SPOP: variants seen among roughly 807,000 people sequenced by gnomAD.
SPOP encodes the protein speckle-type POZ protein.
SPOP carries 11 observed loss-of-function variants against 45.6 expected under a neutral mutation model. That is an observed-to-expected ratio of 0.24 (90% confidence interval 0.15 to 0.40). The LOEUF is 0.40. SPOP is among the 10% of genes least tolerant of loss of function. SPOP has a pLI of 1.00. For missense variants in SPOP, 152 were observed against 465.6 expected (o/e 0.33, Z 6.20); for synonymous variants, 166 against 166.3 (o/e 1.00, Z 0.01).
At chr17:49,612,868 A>G (rs928137507) in intron 5 of SPOP, 1 of 152,204 alleles carries the variant, frequency 6.6e-6, no homozygotes, top group Non-Finnish European at 1.5e-5. Context: ...GATTTCTTTT[A>G]ACCTTCAAGA....
chr17:49,631,524 C>G (rs892351134), intron 1 of SPOP, among the ~76,000 whole-genome samples: 1 of 152,124 alleles, frequency 6.6e-6, no homozygotes, highest in African/African-American at 2.4e-5. Flanking sequence ...GAATTAGCAG[C>G]CTTTACAATT....
intron 1 of SPOP, among the ~76,000 whole-genome samples, chr17:49,667,406 A>G (rs901285342): frequency 4.0e-5 from 6 of 151,616 alleles, no homozygotes; most frequent in Non-Finnish European, 7.4e-5. Flanking sequence ...CCCGGTCAAC[A>G]TGGCGAAACC....
rs899103846 is a variant in SPOP, at chr17:49,677,992, G to C, written c.-126C>G. ...CCCCTGCGCTTGCCTCATACTGTCC[G>C]CAACATCCGGGACCTGCGGGACCGC... On this transcript the variant is annotated 5_prime_UTR_variant, in exon 1 of 10. Coordinates refer to ENST00000504102, the MANE Select transcript of SPOP (RefSeq NM_001007228.2). 3.0e-5 allele frequency: 12 copies of C among 397,574 alleles called. No individual in the cohort carries two copies. Among genetic ancestry groups the C allele is most frequent in the African/African-American group, 2.1e-4 (10 of 48,088 alleles). The allele number at this position is 397,574 out of a possible 1,614,324, so 24.6% of individuals were successfully genotyped here.
chr17:49,607,376 T>C lies in SPOP; in HGVS notation c.715-4A>G, dbSNP rs1437043264. The C allele has an allele frequency of 6.2e-7, 1 of 1,611,396 alleles. No individual in the cohort carries two copies. Among genetic ancestry groups the C allele is most frequent in the Admixed American group, 1.7e-5 (1 of 59,640 alleles). On this transcript the variant is annotated splice_polypyrimidine_tract_variant and splice_region_variant and intron_variant, in intron 7 of 9. Coordinates refer to ENST00000504102, the MANE Select transcript of SPOP (RefSeq NM_001007228.2). ...CATCATTGATTTCAACTCGATTCTA[T>C]GCCAGAAAAACTGAATATGAGAAAC... is the stretch of plus-strand genomic sequence containing the variant.
Position 49,622,751 on chromosome 17 carries a change from C to T in SPOP, c.60G>A (p.Glu20=), listed in dbSNP as rs1174659692. 1.2e-6 allele frequency: 2 copies of T among 1,614,046 alleles called. No homozygotes were observed. Among genetic ancestry groups the T allele is most frequent in the African/African-American group, 1.3e-5 (1 of 74,914 alleles). Residue 20 remains glutamate (E), a synonymous_variant, in exon 2 of 10, where the codon GAG becomes GAA. Transcript: ENST00000504102. ...AACTTACCTGTGTGTAGCACCAACT[C>T]TCAGCTACGGGGCCACTCGACATTT... ...PAEMSSGPVA[E]SWCYTQIKVV...
chr17:49,644,790 A>C (rs1471657389), intron 1 of SPOP, among the ~76,000 whole-genome samples: 1 of 152,206 alleles, frequency 6.6e-6, no homozygotes, highest in East Asian at 1.9e-4. Context: ...TTGTCTAAAA[A>C]TTAAACACGT....
chr17:49,634,470 A>G (rs1314331426), intron 1 of SPOP, among the ~76,000 whole-genome samples: 1 of 152,226 alleles, frequency 6.6e-6, no homozygotes, highest in Non-Finnish European at 1.5e-5. Flanking sequence ...TACATAAGTT[A>G]ATATTCTCAC....
intron 5 of SPOP, among the ~76,000 whole-genome samples, chr17:49,614,959 A>C (rs959322400): frequency 6.6e-6 from 1 of 151,836 alleles, no homozygotes; most frequent in Admixed American, 6.6e-5. Flanking sequence ...CCTGGGCTTA[A>C]GCAATCCTCC....
At chr17:49,642,197 T>C (rs754467651) in intron 1 of SPOP, among the ~76,000 whole-genome samples, 5 of 152,146 alleles carry the variant, frequency 3.3e-5, no homozygotes, top group Non-Finnish European at 5.9e-5. Flanking sequence ...TATTTAAGTT[T>C]GTAAAAAGTG....
At chr17:49,652,899 T>C (rs759021312) in intron 1 of SPOP, among the ~76,000 whole-genome samples, 1 of 152,202 alleles carries the variant, frequency 6.6e-6, no homozygotes, top group African/African-American at 2.4e-5. Context: ...CCAGAGGTAG[T>C]TGCTTTAAGA....
At chr17:49,644,681 T>TGTTGGTACA (rs2072721119) in intron 1 of SPOP, among the ~76,000 whole-genome samples, 1 of 152,188 alleles carries the variant, frequency 6.6e-6, no homozygotes, top group African/African-American at 2.4e-5. Context: ...TGTACAGATT[T>TGTTGGTACA]TGGAAAAAAA....
At chr17:49,675,924 G>C in intron 1 of SPOP, 1 of 152,356 alleles carries the variant, frequency 6.6e-6, no homozygotes, top group Non-Finnish European at 1.5e-5. Context: ...GGAGGCTGAG[G>C]CAGAAGAATC....
At chr17:49,618,873 T>C in intron 5 of SPOP, 108 bp downstream of exon 5, 1 of 1,336,028 alleles carries the variant, frequency 7.5e-7, no homozygotes, top group Non-Finnish European at 1.0e-6. Context: ...GCAGCACTAC[T>C]CCACTTGGGG....
intron 1 of SPOP, among the ~76,000 whole-genome samples, chr17:49,665,386 G>GGGC (rs1403173174): frequency 6.6e-6 from 1 of 151,940 alleles, no homozygotes; most frequent in Non-Finnish European, 1.5e-5. Flanking sequence ...AGGCCAAGGC[G>GGGC]GGCGGATCAT....
chr17:49,630,613 A>AT (rs1331980591), intron 1 of SPOP, among the ~76,000 whole-genome samples: 1 of 95,664 alleles, frequency 1.0e-5, no homozygotes, highest in Non-Finnish European at 2.2e-5. Context: ...TTTTCTTTAA[A>AT]TTTTTTTTAA....
At position 49,607,369 on chromosome 17, in the gene SPOP, G is replaced by A. The variant is rs2143157500; in HGVS notation, c.718C>T (p.Arg240Ter). 2 of 1,611,982 alleles carry A rather than the reference G, an allele frequency of 1.2e-6. No homozygotes were observed. Among genetic ancestry groups the A allele is most frequent in the Non-Finnish European group, 1.7e-6 (2 of 1,178,954 alleles). ...GGCTCCACATCATTGATTTCAACTC[G>A]ATTCTATGCCAGAAAAACTGAATAT... ...EHEMEESKKN[R>*]VEINDVEPEV... Residue 240 changes from arginine (R) to a stop codon, truncating the protein, a stop_gained, in exon 8 of 10, where the codon CGA (arginine) becomes TGA (stop). Coordinates refer to ENST00000504102, the MANE Select transcript of SPOP (RefSeq NM_001007228.2). LOFTEE classifies it high-confidence loss of function.
chr17:49,601,447 C>G (rs1363686661), intron 9 of SPOP: 2 of 154,470 alleles, frequency 1.3e-5, no homozygotes, highest in African/African-American at 4.8e-5. Context: ...TTTCTCAAAA[C>G]AGTGAAACCA....
intron 5 of SPOP, among the ~76,000 whole-genome samples, chr17:49,616,824 C>T (rs1284920122): frequency 2.0e-5 from 3 of 152,336 alleles, no homozygotes; most frequent in South Asian, 2.1e-4. Context: ...ATGGCATCAG[C>T]AGAACCCAGC....
intron 5 of SPOP, among the ~76,000 whole-genome samples, chr17:49,616,383 G>C (rs1406651824): frequency 6.6e-6 from 1 of 151,958 alleles, no homozygotes; most frequent in Non-Finnish European, 1.5e-5. Context: ...TGGGGCACTG[G>C]GGTACTAGAA....
Sources: allele counts gnomAD v4.1 joint callset (sites outside exome capture counted in the v4.1 genomes callset), GRCh38; gene constraint gnomAD v4.1.1; transcripts MANE v1.5; gene names NCBI Gene and HGNC (gene_info 2026-07-23, HGNC 2026-07-21).